PRKG1: variants seen among roughly 807,000 people sequenced by gnomAD.
PRKG1 encodes the protein protein kinase cGMP-dependent 1.
Under a neutral mutation model 88.1 loss-of-function variants are expected in PRKG1, and 35 were observed. The observed-to-expected ratio is 0.40, with a 90% CI of 0.30 to 0.53. The LOEUF (loss-of-function observed/expected upper bound fraction) is 0.53. Ranked by LOEUF, PRKG1 falls within the 20% of genes least tolerant of loss-of-function variation. PRKG1 has a pLI of 0.59. For missense variants in PRKG1, 540 were observed against 839.8 expected, an observed-to-expected ratio of 0.64 and a Z score of 4.41; for synonymous variants, 303 against 292.5, an observed-to-expected ratio of 1.04 and a Z score of -0.37.
chr10:51,504,826 C>A (rs968793318), intron 3 of PRKG1, among the ~76,000 whole-genome samples: 2 of 152,066 alleles, frequency 1.3e-5, no homozygotes, highest in African/African-American at 4.8e-5. Flanking sequence ...GATTTTGTAT[C>A]CTGAGACTTT....
chr10:51,248,325 T>G (rs1337560594), intron 2 of PRKG1, among the ~76,000 whole-genome samples: 1 of 151,892 alleles, frequency 6.6e-6, no homozygotes, highest in Non-Finnish European at 1.5e-5. Flanking sequence ...TTCTTCTAGG[T>G]CTTGTTTCAA....
chr10:51,363,794 T>C (rs1842534927), intron 2 of PRKG1, among the ~76,000 whole-genome samples: 1 of 151,958 alleles, frequency 6.6e-6, no homozygotes, highest in African/African-American at 2.4e-5. Context: ...TGTGGAGCTC[T>C]CTGCCCTTCT....
At chr10:52,132,899 CTG>C (rs1310361688) in intron 7 of PRKG1, among the ~76,000 whole-genome samples, 1 of 152,078 alleles carries the variant, frequency 6.6e-6, no homozygotes, top group East Asian at 1.9e-4. Context: ...AATAAGCACA[CTG>C]TGGAGAACGG....
At chr10:51,373,917 G>A (rs1842755229) in intron 2 of PRKG1, among the ~76,000 whole-genome samples, 1 of 151,402 alleles carries the variant, frequency 6.6e-6, no homozygotes, top group African/African-American at 2.4e-5. Flanking sequence ...GCCGAGGCAG[G>A]TGTATCATGA....
intron 3 of PRKG1, among the ~76,000 whole-genome samples, chr10:51,596,222 C>G (rs1244535682): frequency 6.6e-6 from 1 of 152,106 alleles, no homozygotes; most frequent in Non-Finnish European, 1.5e-5. Flanking sequence ...ATATTTTATT[C>G]CCAGTACAAA....
At chr10:51,926,421 A>T (rs1156474546) in intron 5 of PRKG1, among the ~76,000 whole-genome samples, 1 of 152,068 alleles carries the variant, frequency 6.6e-6, no homozygotes, top group African/African-American at 2.4e-5. Flanking sequence ...GTTTTCAAAG[A>T]TGGTGCTTTC....
chr10:51,917,339 G>A (rs1453379458), intron 5 of PRKG1, among the ~76,000 whole-genome samples: 1 of 149,788 alleles, frequency 6.7e-6, no homozygotes, highest in Non-Finnish European at 1.5e-5. Flanking sequence ...AAAAAAAAGA[G>A]TGTGGATTTC....
chr10:51,344,874 T>C (rs956584337), intron 2 of PRKG1, among the ~76,000 whole-genome samples: 3 of 152,144 alleles, frequency 2.0e-5, no homozygotes, highest in African/African-American at 7.2e-5. Flanking sequence ...TTAGTGCAAA[T>C]TGCATTTCAC....
chr10:52,083,826 G>A (rs142237187), intron 7 of PRKG1, among the ~76,000 whole-genome samples: 130 of 152,032 alleles, frequency 8.6e-4, no homozygotes, highest in African/African-American at 3.0e-3. Flanking sequence ...ATATGTTTTA[G>A]TCTAGCAATA....
chr10:51,190,204 A>C (rs953697023), intron 2 of PRKG1, among the ~76,000 whole-genome samples: 48 of 152,098 alleles, frequency 3.2e-4, no homozygotes, highest in Non-Finnish European at 8.8e-5. Flanking sequence ...TTACATGATT[A>C]CTTGTCTGCA....
At chr10:51,192,065 C>T (rs954805753) in intron 2 of PRKG1, among the ~76,000 whole-genome samples, 1 of 151,420 alleles carries the variant, frequency 6.6e-6, no homozygotes, top group Non-Finnish European at 1.5e-5. Context: ...TAGAGCCATG[C>T]ACATATGCTG....
intron 3 of PRKG1, among the ~76,000 whole-genome samples, chr10:51,491,125 G>A (rs772366455): frequency 6.6e-6 from 1 of 151,952 alleles, no homozygotes; most frequent in Non-Finnish European, 1.5e-5. Context: ...ATGTATAATA[G>A]GGTCATTAAG....
chr10:51,074,303 G>C (rs1272106937), upstream of PRKG1: 1 of 422,702 alleles, frequency 2.4e-6, no homozygotes, highest in Non-Finnish European at 3.8e-6. Flanking sequence ...CCCCCGCGCC[G>C]CGGCGCCCAC....
At chr10:51,122,156 C>G (rs920209199) in intron 1 of PRKG1, among the ~76,000 whole-genome samples, 5 of 152,202 alleles carry the variant, frequency 3.3e-5, no homozygotes, top group African/African-American at 1.2e-4. Flanking sequence ...TTTGGCAGTT[C>G]AGGCTTTAGC....
intron 12 of PRKG1, among the ~76,000 whole-genome samples, chr10:52,278,571 A>G (rs562014272): frequency 1.3e-5 from 2 of 152,272 alleles, no homozygotes; most frequent in African/African-American, 2.4e-5. Flanking sequence ...AATGCCCACA[A>G]TGACAGACAG....
intron 2 of PRKG1, among the ~76,000 whole-genome samples, chr10:51,244,503 A>G (rs1839237398): frequency 6.6e-6 from 1 of 151,868 alleles, no homozygotes; most frequent in Non-Finnish European, 1.5e-5. Flanking sequence ...CCTCCTCCCA[A>G]TTCCCCCTGC....
rs188257878 is a variant in PRKG1, at chr10:51,379,229, C to T, written c.479-88494C>T. On this transcript the variant is annotated intron_variant, in intron 2 of 17. Transcript: ENST00000373980. ...ACCACATACCTTGTGATGTCTGGCA[C>T]AAGGTAATAATAACAATAATGAAGA... is the stretch of plus-strand genomic sequence containing the variant. Among the ~76,000 whole-genome samples, 649 of 152,164 alleles carry T rather than the reference C, an allele frequency of 4.3e-3. 6 individuals are homozygous for T. Among genetic ancestry groups the T allele is most frequent in the African/African-American group, 0.015 (605 of 41,524 alleles).
chr10:51,517,333 A>T (rs1841615705), intron 3 of PRKG1, among the ~76,000 whole-genome samples: 1 of 152,214 alleles, frequency 6.6e-6, no homozygotes, highest in Non-Finnish European at 1.5e-5. Flanking sequence ...CTGCCTTCAG[A>T]GATAAGTGTT....
chr10:51,409,579 G>A (rs746483692), intron 2 of PRKG1, among the ~76,000 whole-genome samples: 5 of 151,936 alleles, frequency 3.3e-5, no homozygotes, highest in Non-Finnish European at 7.4e-5. Context: ...AGTAGTGGCC[G>A]GGCACGGTGG....
Sources: allele counts gnomAD v4.1 joint callset (sites outside exome capture counted in the v4.1 genomes callset), GRCh38; gene constraint gnomAD v4.1.1; transcripts MANE v1.5; gene names NCBI Gene and HGNC (gene_info 2026-07-23, HGNC 2026-07-21).